The following STRIT1 variants were observed in gnomAD, a reference collection of about 807,000 sequenced individuals.
STRIT1 encodes sarcoplasmic/endoplasmic reticulum calcium ATPase regulator DWORF.
At chr3:155,293,567 C>A in intron 1 of STRIT1, 53 bp downstream of exon 1, 1 of 395,772 alleles carries the variant, frequency 2.5e-6, no homozygotes, top group South Asian at 1.3e-4. Flanking sequence ...GAACCAAAGT[C>A]AAGAAGCCTT....
In STRIT1 at chr3:155,290,652, C is replaced by T. The variant is rs553755708; in HGVS notation, c.*199G>A. The T allele has an allele frequency of 1.6e-4, 36 of 221,952 alleles. No individual in the cohort carries two copies. The highest frequency in any genetic ancestry group is 7.4e-4 in the African/African-American group (33 of 44,410). 13.7% of individuals were successfully genotyped at this position (221,952 alleles called of 1,614,324 possible). A position where few individuals can be genotyped will look rare whatever the true frequency, so the allele number is the denominator to read the frequency against. ...ATCACAGCTAAACATTTTTCTCACT[C>T]AGAATATAGAGAAATTCACTCATAA... On this transcript the variant is annotated 3_prime_UTR_variant, in exon 3 of 3. Coordinates refer to ENST00000489090, the MANE Select transcript of STRIT1 (RefSeq NM_001352129.2).
chr3:155,290,670 A>G lies in STRIT1; in HGVS notation c.*181T>C. 2 of 256,700 alleles carry G rather than the reference A, an allele frequency of 7.8e-6. No homozygotes were observed. The highest frequency in any genetic ancestry group is 1.5e-5 in the Non-Finnish European group (2 of 137,390). 15.9% of individuals were successfully genotyped at this position (256,700 alleles called of 1,614,324 possible). ...TCTCACTCAGAATATAGAGAAATTC[A>G]CTCATAATTTCTTATTGTCCTGAAG... On this transcript the variant is annotated 3_prime_UTR_variant, in exon 3 of 3. Coordinates refer to ENST00000489090, the MANE Select transcript of STRIT1 (RefSeq NM_001352129.2).
At chr3:155,291,846 A>C (rs1385474) in intron 1 of STRIT1, among the ~76,000 whole-genome samples, 51 of 152,186 alleles carry the variant, frequency 3.4e-4, no homozygotes, top group African/African-American at 1.2e-3. Context: ...GCAAACATAC[A>C]CAGGCATACA....
rs1225283330 is a variant in STRIT1 at position 155,290,246 on chromosome 3, AT to A, written c.*604del. On this transcript the variant is annotated 3_prime_UTR_variant, in exon 3 of 3. Coordinates refer to ENST00000489090, the MANE Select transcript of STRIT1 (RefSeq NM_001352129.2). Reference sequence around the variant, plus strand: ...AACTCATATGTTGTCAAACATCTTTATTTTTTTCCCATCTGATAAGTGAGCA... The same window carrying A: ...AACTCATATGTTGTCAAACATCTTTATTTTTTCCCATCTGATAAGTGAGCA... 2 of 151,908 alleles carry A rather than the reference AT, an allele frequency of 1.3e-5. No individual in the cohort carries two copies. Among genetic ancestry groups the A allele is most frequent in the Admixed American group, 6.6e-5 (1 of 15,238 alleles). The allele number at this position is 151,908 out of a possible 1,614,324, so 9.4% of individuals were successfully genotyped here. A position where few individuals can be genotyped will look rare whatever the true frequency, so the allele number is the denominator to read the frequency against.
intron 1 of STRIT1, among the ~76,000 whole-genome samples, chr3:155,292,923 T>C (rs1715670906): frequency 6.6e-6 from 1 of 152,138 alleles, no homozygotes; most frequent in Admixed American, 6.5e-5. Flanking sequence ...TCTTTAGCGA[T>C]CATGAACAAG....
chr3:155,293,001 C>T (rs938416973), intron 1 of STRIT1, among the ~76,000 whole-genome samples: 15 of 152,104 alleles, frequency 9.9e-5, no homozygotes, highest in Non-Finnish European at 1.9e-4. Context: ...GCATATTTCA[C>T]AAGGTCATTG....
At chr3:155,292,520 C>T (rs1002457312) in intron 1 of STRIT1, among the ~76,000 whole-genome samples, 1 of 152,068 alleles carries the variant, frequency 6.6e-6, no homozygotes, top group Admixed American at 6.6e-5. Flanking sequence ...ATATTTTATA[C>T]ATGCATATTT....
At chr3:155,292,857 T>C (rs903347591) in intron 1 of STRIT1, among the ~76,000 whole-genome samples, 1 of 152,110 alleles carries the variant, frequency 6.6e-6, no homozygotes, top group East Asian at 1.9e-4. Context: ...GGAAGTGTTC[T>C]TGAGGACACT....
chr3:155,292,337 A>G (rs1025858543), intron 1 of STRIT1, among the ~76,000 whole-genome samples: 2 of 152,160 alleles, frequency 1.3e-5, no homozygotes, highest in Non-Finnish European at 2.9e-5. Flanking sequence ...TAAAGCAAAC[A>G]ACATGAGTTG....
chr3:155,292,903 G>A (rs1000710615), intron 1 of STRIT1, among the ~76,000 whole-genome samples: 5 of 152,074 alleles, frequency 3.3e-5, no homozygotes, highest in Admixed American at 3.3e-4. Context: ...TAAACACCTG[G>A]TGCCACCACT....
Position 155,290,761 on chromosome 3 carries a change from A to G in STRIT1, c.*90T>C. On this transcript the variant is annotated 3_prime_UTR_variant, in exon 3 of 3. Transcript: ENST00000489090. ...TTTGTAAAGTGATGTCAAACATTGC[A>G]TTGTTTAACATGAGACATTTAATAA... is the stretch of plus-strand genomic sequence containing the variant. 2.7e-6 allele frequency: 1 copy of G among 375,730 alleles called. No homozygotes were observed. The highest frequency in any genetic ancestry group is 4.7e-6 in the Non-Finnish European group (1 of 211,910). The allele number at this position is 375,730 out of a possible 1,614,324, so 23.3% of individuals were successfully genotyped here. A position where few individuals can be genotyped will look rare whatever the true frequency, so the allele number is the denominator to read the frequency against.
intron 1 of STRIT1, among the ~76,000 whole-genome samples, chr3:155,292,942 C>T (rs2108435215): frequency 6.6e-6 from 1 of 152,250 alleles, no homozygotes; most frequent in Non-Finnish European, 1.5e-5. Context: ...AGTTACTAAA[C>T]TGCTGTGTCT....
chr3:155,292,675 C>T (rs181233492), intron 1 of STRIT1, among the ~76,000 whole-genome samples: 70 of 152,236 alleles, frequency 4.6e-4, no homozygotes, highest in African/African-American at 1.5e-3. Context: ...TTCAACTTTA[C>T]TAATACCTGT....
chr3:155,292,202 C>G (rs1263171651), intron 1 of STRIT1, among the ~76,000 whole-genome samples: 2 of 152,100 alleles, frequency 1.3e-5, no homozygotes, highest in Non-Finnish European at 2.9e-5. Context: ...ATGCTAGAGT[C>G]TCTCTTAACT....
At chr3:155,292,626 C>G (rs1449763915) in intron 1 of STRIT1, among the ~76,000 whole-genome samples, 1 of 151,982 alleles carries the variant, frequency 6.6e-6, no homozygotes, top group Non-Finnish European at 1.5e-5. Flanking sequence ...ATTTTAACAC[C>G]CAAAGTATAC....
Position 155,293,665 on chromosome 3 carries a change from C to G in STRIT1, c.-33G>C, listed in dbSNP as rs187139295. The G allele has an allele frequency of 5.0e-6, 2 of 397,636 alleles. No individual in the cohort carries two copies. The highest frequency in any genetic ancestry group is 4.1e-5 in the African/African-American group (2 of 48,254). The allele number at this position is 397,636 out of a possible 1,614,324, so 24.6% of individuals were successfully genotyped here. A position where few individuals can be genotyped will look rare whatever the true frequency, so the allele number is the denominator to read the frequency against. The stretch of plus-strand genomic sequence containing the variant: ...GTTGGTGGGTGGCTAGGTCAGGCCA[C>G]GCTTACCTCTTTCTTTTGTTATCCA... On this transcript the variant is annotated 5_prime_UTR_variant, in exon 1 of 3. Transcript: ENST00000489090.
At chr3:155,293,478 C>G (rs1281402401) in intron 1 of STRIT1, 142 bp downstream of exon 1, 1 of 396,076 alleles carries the variant, frequency 2.5e-6, no homozygotes, top group East Asian at 3.6e-5. Flanking sequence ...TGCAGCCACA[C>G]TAACATATAT....
chr3:155,291,984 T>C lies in STRIT1; in HGVS notation c.14-946A>G, dbSNP rs557360091. ...AACTGCAAAGCATAATTAGATCTTATGCCATTAGTTAAAAGAGAGAATGCA... is the reference window on the plus strand; with the variant it reads ...AACTGCAAAGCATAATTAGATCTTACGCCATTAGTTAAAAGAGAGAATGCA... On this transcript the variant is annotated intron_variant, in intron 1 of 2. Transcript: ENST00000489090. 5.3e-5 allele frequency among the ~76,000 whole-genome samples: 8 copies of C among 152,304 alleles called. No homozygotes were observed. In the South Asian group the frequency reaches 1.7e-3, roughly 32 times the overall value.
intron 1 of STRIT1, among the ~76,000 whole-genome samples, chr3:155,292,775 CT>C (rs1251261287): frequency 6.6e-6 from 1 of 152,150 alleles, no homozygotes; most frequent in East Asian, 1.9e-4. Context: ...CAAAACATCT[CT>C]TAAACATGAA....
Sources: gnomAD v4.1 joint callset for allele counts (sites outside exome capture counted in the v4.1 genomes callset) on GRCh38, gnomAD v4.1.1 for gene constraint, MANE v1.5 for transcripts, NCBI Gene and HGNC (gene_info 2026-07-23, HGNC 2026-07-21) for gene names.